The following REXO5 variants were observed in gnomAD, a reference collection of about 807,000 sequenced individuals.
The protein encoded by REXO5 is RNA exonuclease 5.
A neutral mutation model predicts 88.5 loss-of-function variants in REXO5; 48 were observed. The ratio of observed to expected loss-of-function variants is 0.54; its 90% CI spans 0.43 to 0.69. The LOEUF is 0.69. Among genes scored for constraint, REXO5 ranks in the 30% least tolerant of loss-of-function variants. REXO5 has a pLI of 0.00. For missense variants in REXO5, 749 were observed against 912.2 expected (o/e 0.82, Z 2.30); for synonymous variants, 311 against 336.5 (o/e 0.92, Z 0.83).
intron 5 of REXO5, among the ~76,000 whole-genome samples, chr16:20,819,822 A>G (rs866220947): frequency 1.6e-4 from 25 of 151,996 alleles, no homozygotes; most frequent in African/African-American, 6.0e-4. Context: ...CAGTGGTACA[A>G]TCTAAGCTCA....
At position 20,821,916 on chromosome 16, in the gene REXO5, TA is replaced by T; in HGVS notation, c.616+15del. ...TTCCATTACAAGGTTGGCTTAGGCT[TA>T]CTCTGATATTGCTAACAATGTAAGA... On this transcript the variant is annotated intron_variant, in intron 6 of 19. Coordinates refer to ENST00000261377, the MANE Select transcript of REXO5 (RefSeq NM_030941.3). 1 of 1,545,438 alleles carries T rather than the reference TA, an allele frequency of 6.5e-7. No homozygotes were observed. The highest frequency in any genetic ancestry group is 1.3e-5 in the South Asian group (1 of 79,386).
At chr16:20,819,095 A>G (rs1480728088) in intron 5 of REXO5, among the ~76,000 whole-genome samples, 1 of 152,164 alleles carries the variant, frequency 6.6e-6, no homozygotes, top group African/African-American at 2.4e-5. Context: ...TGCAAAGGAC[A>G]TGGTCTTGTT....
chr16:20,827,507 GTA>G, intron 10 of REXO5, 60 bp downstream of exon 10: 1 of 1,276,692 alleles, frequency 7.8e-7, no homozygotes, highest in Non-Finnish European at 1.1e-6. Context: ...TTAGCATGTA[GTA>G]TCTAATTTAA....
intron 5 of REXO5, among the ~76,000 whole-genome samples, chr16:20,818,234 A>G (rs1188018014): frequency 6.6e-6 from 1 of 152,044 alleles, no homozygotes; most frequent in East Asian, 1.9e-4. Context: ...TATATTACGT[A>G]TTTATTTGTT....
At chr16:20,806,899 G>C in intron 1 of REXO5, 53 bp from the exon 2 acceptor site, 1 of 1,533,432 alleles carries the variant, frequency 6.5e-7, no homozygotes, top group Non-Finnish European at 8.8e-7. Context: ...GGCGGCACGC[G>C]GGGGAATAGG....
intron 13 of REXO5, among the ~76,000 whole-genome samples, chr16:20,834,428 C>T (rs1053243293): frequency 6.6e-6 from 1 of 152,122 alleles, no homozygotes; most frequent in Admixed American, 6.6e-5. Context: ...CCACCAGGCT[C>T]GGCCAAGTGT....
chr16:20,815,040 A>G lies in REXO5; in HGVS notation c.365A>G (p.Lys122Arg). The change falls in exon 4 of 20, where the codon AAA becomes AGA. Residue 122 changes from lysine to arginine, a missense_variant. Physicochemically the swap from Lys to Arg is conservative, Grantham distance 26. Coordinates refer to ENST00000261377, the MANE Select transcript of REXO5 (RefSeq NM_030941.3). ...RFYLEFGCLR[K>R]AFRHKFRLPP... ...TATTTGGAGTTTGGATGTCTTCGAA[A>G]AGCATTCAGACATGTAAGTTAAGAA... 6.2e-7 allele frequency: 1 copy of G among 1,612,406 alleles called. No individual in the cohort carries two copies. Among genetic ancestry groups the G allele is most frequent in the Non-Finnish European group, 8.5e-7 (1 of 1,179,670 alleles).
chr16:20,825,628 C>T, intron 7 of REXO5: 1 of 546,174 alleles, frequency 1.8e-6, no homozygotes, highest in Non-Finnish European at 3.3e-6. Flanking sequence ...GTGCAGACTA[C>T]ACTGTGTTGA....
At chr16:20,839,179 G>A (rs565881034) in intron 13 of REXO5, among the ~76,000 whole-genome samples, 8 of 152,300 alleles carry the variant, frequency 5.3e-5, no homozygotes, top group African/African-American at 1.2e-4. Flanking sequence ...GTGTCTCCAA[G>A]GAGTACCACC....
intron 15 of REXO5, among the ~76,000 whole-genome samples, chr16:20,841,101 C>T (rs1020670433): frequency 6.6e-6 from 1 of 152,038 alleles, no homozygotes; most frequent in African/African-American, 2.4e-5. Context: ...TCTCTTATCT[C>T]TTAGGGTAAG....
Position 20,824,457 on chromosome 16 carries a change from AC to A in REXO5, c.636del (p.Leu214TyrfsTer9). ...FPLQGFPDCE[N>X]FLLTKCNGSI... ...CTCCTAGGTTTTCCTGATTGTGAAA[AC>A]TTTTTACTTACCAAATGTAATGGTT... On this transcript the variant is annotated frameshift_variant, in exon 7 of 20. Coordinates refer to ENST00000261377, the MANE Select transcript of REXO5 (RefSeq NM_030941.3). LOFTEE classifies it high-confidence loss of function. 6.2e-7 allele frequency: 1 copy of A among 1,608,138 alleles called. No homozygotes were observed. Among genetic ancestry groups the A allele is most frequent in the East Asian group, 2.2e-5 (1 of 44,794 alleles).
chr16:20,839,186 C>A (rs547890918), intron 13 of REXO5, among the ~76,000 whole-genome samples: 1 of 152,104 alleles, frequency 6.6e-6, no homozygotes, highest in African/African-American at 2.4e-5. Context: ...CAAGGAGTAC[C>A]ACCTTTTCTC....
chr16:20,816,198 C>G lies in REXO5; in HGVS notation c.461C>G (p.Pro154Arg). 1 of 1,613,058 alleles carries G rather than the reference C, an allele frequency of 6.2e-7. No homozygotes were observed. The highest frequency in any genetic ancestry group is 8.5e-7 in the Non-Finnish European group (1 of 1,179,156). ...ACTGAACAAAGAGCTGGAGATCTGC[C>G]CAAGACAATGGAAGGTATAGCTATG... ...LQTEQRAGDL[P>R]KTMEGPLPSN... The change falls in exon 5 of 20, where the codon CCC becomes CGC. Residue 154 changes from proline (P) to arginine (R), a missense_variant. Pro to Arg is a moderately radical substitution (Grantham distance 103). Transcript: ENST00000261377.
At chr16:20,812,927 T>C (rs1056368180) in intron 2 of REXO5, among the ~76,000 whole-genome samples, 5 of 152,238 alleles carry the variant, frequency 3.3e-5, no homozygotes, top group East Asian at 1.9e-4. Flanking sequence ...TTTGAGAGCA[T>C]GAATTATGCT....
chr16:20,826,944 C>T (rs2081267842), intron 8 of REXO5, 114 bp from the exon 9 acceptor site: 1 of 1,011,642 alleles, frequency 9.9e-7, no homozygotes. Flanking sequence ...ACTTTGGACA[C>T]TAAGCATATA....
chr16:20,838,930 A>G (rs2081481605), intron 13 of REXO5, among the ~76,000 whole-genome samples: 2 of 152,044 alleles, frequency 1.3e-5, no homozygotes, highest in Non-Finnish European at 2.9e-5. Flanking sequence ...TTCCTTTCCC[A>G]TTTACTGGAA....
Position 20,832,996 on chromosome 16 carries a change from T to G in REXO5, c.1263-7T>G. 1 of 1,611,114 alleles carries G rather than the reference T, an allele frequency of 6.2e-7. No individual in the cohort carries two copies. The highest frequency in any genetic ancestry group is 1.1e-5 in the South Asian group (1 of 90,782). On this transcript the variant is annotated splice_polypyrimidine_tract_variant and splice_region_variant and intron_variant, in intron 12 of 19. Transcript: ENST00000261377. ...GTTCTTACCTTAACTCTTCTACTTC[T>G]TTATAGTGTTTTAGAATGCTTGGAT...
intron 18 of REXO5, 70 bp downstream of exon 18, chr16:20,845,311 CTTT>C (rs964556112): frequency 1.2e-5 from 13 of 1,083,240 alleles, no homozygotes; most frequent in East Asian, 6.4e-5. Flanking sequence ...ATCCTTTAAT[CTTT>C]TTTTTTTTTC....
At chr16:20,836,647 G>A (rs997108130) in intron 13 of REXO5, among the ~76,000 whole-genome samples, 5 of 152,200 alleles carry the variant, frequency 3.3e-5, no homozygotes, top group African/African-American at 1.2e-4. Flanking sequence ...AAATACCAAA[G>A]AGTACAATTT....
Sources: gnomAD v4.1 joint callset for allele counts (sites outside exome capture counted in the v4.1 genomes callset) on GRCh38, gnomAD v4.1.1 for gene constraint, MANE v1.5 for transcripts, NCBI Gene and HGNC (gene_info 2026-07-23, HGNC 2026-07-21) for gene names.